ASIC2: variants seen among roughly 807,000 people sequenced by gnomAD.
ASIC2 encodes the protein acid-sensing ion channel 2.
ASIC2 carries 25 observed loss-of-function variants against 57.3 expected under a neutral mutation model. The ratio of observed to expected loss-of-function variants is 0.44; its 90% CI spans 0.32 to 0.61. The LOEUF is 0.61. ASIC2 is among the 20% of genes least tolerant of loss of function. The probability of loss-of-function intolerance (pLI) is 0.06; values close to 1 mark genes in which losing one functional copy is unlikely to be tolerated. For synonymous variants in ASIC2, 319 were observed against 307.5 expected, an observed-to-expected ratio of 1.04 and a Z score of -0.39; for missense variants, 641 against 738.1, an observed-to-expected ratio of 0.87 and a Z score of 1.52.
intron 1 of ASIC2, among the ~76,000 whole-genome samples, chr17:33,863,903 T>TTG (rs1448231120): frequency 1.6e-5 from 1 of 63,234 alleles, no homozygotes; most frequent in Non-Finnish European, 3.6e-5. Context: ...TTTTTTTGTT[T>TTG]TTTTTTTTTT....
At chr17:33,075,758 G>C (rs2092086848) in intron 3 of ASIC2, among the ~76,000 whole-genome samples, 1 of 152,120 alleles carries the variant, frequency 6.6e-6, no homozygotes, top group African/African-American at 2.4e-5. Flanking sequence ...GCATGGATAG[G>C]AGTTAAGTCT....
chr17:33,382,812 C>G (rs934822879), intron 1 of ASIC2, among the ~76,000 whole-genome samples: 1 of 152,188 alleles, frequency 6.6e-6, no homozygotes, highest in Non-Finnish European at 1.5e-5. Flanking sequence ...ATGTTAGCAG[C>G]TTGACAAGTG....
At chr17:33,618,411 C>T (rs1019607981) in intron 1 of ASIC2, among the ~76,000 whole-genome samples, 4 of 152,118 alleles carry the variant, frequency 2.6e-5, no homozygotes, top group Middle Eastern at 6.8e-3. Flanking sequence ...AAGTGTATAC[C>T]TCAGCTGCTC....
intron 1 of ASIC2, among the ~76,000 whole-genome samples, chr17:33,191,539 T>C (rs1236458438): frequency 6.8e-6 from 1 of 147,174 alleles, no homozygotes; most frequent in African/African-American, 2.5e-5. Context: ...GAAGAAGGGA[T>C]AGAAGGAGGA....
At chr17:33,727,552 A>G (rs1047247081) in intron 1 of ASIC2, among the ~76,000 whole-genome samples, 1 of 152,122 alleles carries the variant, frequency 6.6e-6, no homozygotes. Flanking sequence ...GTGAGTGCTC[A>G]CAAGAACTGG....
intron 1 of ASIC2, among the ~76,000 whole-genome samples, chr17:34,024,274 C>A (rs1052619125): frequency 6.6e-6 from 1 of 152,228 alleles, no homozygotes; most frequent in Non-Finnish European, 1.5e-5. Context: ...ATGTTCCCAA[C>A]AATGGCTCTT....
chr17:33,533,578 C>T (rs949100577), intron 1 of ASIC2: 5 of 152,200 alleles, frequency 3.3e-5, no homozygotes, highest in Middle Eastern at 3.4e-3. Flanking sequence ...GAAGCTTTTC[C>T]AGATTTCTGG....
chr17:34,120,166 A>G lies in ASIC2; in HGVS notation c.555+35812T>C, dbSNP rs528883377. The G allele has an allele frequency of 3.3e-5, 5 of 152,344 alleles. No homozygotes were observed. In the South Asian group the frequency reaches 8.3e-4, roughly 25 times the overall value. 9.4% of individuals were successfully genotyped at this position (152,344 alleles called of 1,614,324 possible). ...GGCACGTTGAAGGTAGTATGGCCAT[A>G]GATTTGAGCTCCTTTCTGATGACAA... On this transcript the variant is annotated intron_variant, in intron 1 of 9. Coordinates refer to the ASIC2 transcript ENST00000359872.
At chr17:33,960,188 A>G (rs1261953197) in intron 1 of ASIC2, among the ~76,000 whole-genome samples, 2 of 152,216 alleles carry the variant, frequency 1.3e-5, no homozygotes, top group East Asian at 3.8e-4. Flanking sequence ...AAACTGCTGC[A>G]GTGAAGTGCT....
chr17:33,365,839 A>G (rs2141934732), intron 1 of ASIC2, among the ~76,000 whole-genome samples: 1 of 152,334 alleles, frequency 6.6e-6, no homozygotes, highest in South Asian at 2.1e-4. Context: ...AAAAAAGTCT[A>G]TTTATTTAAA....
intron 1 of ASIC2, among the ~76,000 whole-genome samples, chr17:34,133,983 C>A (rs1051179908): frequency 6.6e-6 from 1 of 152,140 alleles, no homozygotes; most frequent in African/African-American, 2.4e-5. Flanking sequence ...CAAATTGTCA[C>A]TAGTTCCAAG....
intron 1 of ASIC2, among the ~76,000 whole-genome samples, chr17:33,356,377 C>G (rs1908372906): frequency 6.6e-6 from 1 of 152,180 alleles, no homozygotes; most frequent in African/African-American, 2.4e-5. Context: ...GGCTTCAGAT[C>G]TATGTCCCAG....
At chr17:33,222,966 A>G (rs978209328) in intron 1 of ASIC2, among the ~76,000 whole-genome samples, 7 of 151,992 alleles carry the variant, frequency 4.6e-5, no homozygotes, top group Non-Finnish European at 2.9e-5. Context: ...CTTACCAGGT[A>G]GCCTTGTTCT....
At chr17:33,211,965 C>T (rs1270560129) in intron 1 of ASIC2, among the ~76,000 whole-genome samples, 1 of 151,994 alleles carries the variant, frequency 6.6e-6, no homozygotes, top group Admixed American at 6.5e-5. Flanking sequence ...CTCACTATGG[C>T]CCAGGAAGGG....
chr17:33,959,895 T>C (rs1029677326), intron 1 of ASIC2, among the ~76,000 whole-genome samples: 4 of 152,260 alleles, frequency 2.6e-5, no homozygotes, highest in Non-Finnish European at 5.9e-5. Flanking sequence ...TTCTTGCATA[T>C]GGTGTTCCAG....
At chr17:33,392,323 C>T (rs887412428) in intron 1 of ASIC2, among the ~76,000 whole-genome samples, 8 of 151,204 alleles carry the variant, frequency 5.3e-5, no homozygotes, top group Admixed American at 3.3e-4. Context: ...TGCAGTGGTG[C>T]GATCTTGGCC....
At chr17:34,155,753 C>T (rs1386226968) in intron 1 of ASIC2, 2 of 539,834 alleles carry the variant, frequency 3.7e-6, no homozygotes, top group Non-Finnish European at 6.5e-6. Flanking sequence ...GCAAGCCCCC[C>T]ACTCACCCTC....
intron 1 of ASIC2, among the ~76,000 whole-genome samples, chr17:33,634,008 G>T (rs907988228): frequency 4.6e-5 from 7 of 152,134 alleles, no homozygotes; most frequent in African/African-American, 1.7e-4. Context: ...GGTTCTCTGG[G>T]CTCCTACTAG....
chr17:33,295,950 C>T (rs998266710), upstream of ASIC2, among the ~76,000 whole-genome samples: 2 of 152,056 alleles, frequency 1.3e-5, no homozygotes, highest in African/African-American at 4.8e-5. Context: ...CCTCAGAGTG[C>T]TGGGATTACA....
Sources: gnomAD v4.1 joint callset for allele counts (sites outside exome capture counted in the v4.1 genomes callset) on GRCh38, gnomAD v4.1.1 for gene constraint, MANE v1.5 for transcripts, NCBI Gene and HGNC (gene_info 2026-07-23, HGNC 2026-07-21) for gene names.